The following ZFYVE28 variants were observed in gnomAD, a reference collection of about 807,000 sequenced individuals.
ZFYVE28 encodes the protein lateral signaling target protein 2 homolog.
A neutral mutation model predicts 82.1 loss-of-function variants in ZFYVE28; 40 were observed. That is an observed-to-expected ratio of 0.49 (90% CI 0.38 to 0.63). ZFYVE28 has a LOEUF of 0.63. ZFYVE28 is among the 30% of genes least tolerant of loss of function. The pLI is 0.00. For missense variants in ZFYVE28, 1,321 were observed against 1,242.1 expected (o/e 1.06, Z -0.96); for synonymous variants, 612 against 546.1 (o/e 1.12, Z -1.68).
chr4:2,325,463 C>CA (rs1393883231), intron 6 of ZFYVE28, among the ~76,000 whole-genome samples: 2 of 147,514 alleles, frequency 1.4e-5, no homozygotes, highest in Admixed American at 6.8e-5. Flanking sequence ...AAATCATTTA[C>CA]AAAAAACGAC....
intron 5 of ZFYVE28, 30 bp downstream of exon 5, chr4:2,337,377 C>T (rs1025999751): frequency 3.2e-6 from 5 of 1,562,450 alleles, no homozygotes; most frequent in Non-Finnish European, 4.3e-6. Context: ...CCAGATGCTG[C>T]CCCCAGCCCC....
chr4:2,313,825 G>A (rs1432283952), intron 7 of ZFYVE28, among the ~76,000 whole-genome samples: 4 of 150,372 alleles, frequency 2.7e-5, no homozygotes, highest in East Asian at 1.9e-4. Context: ...CTCCAGCCTG[G>A]GCGACAGAGT....
intron 1 of ZFYVE28, among the ~76,000 whole-genome samples, chr4:2,369,618 G>A (rs1727275049): frequency 6.6e-6 from 1 of 152,088 alleles, no homozygotes; most frequent in African/African-American, 2.4e-5. Context: ...AGTGACAGGT[G>A]GCCTTAGAGA....
intron 7 of ZFYVE28, among the ~76,000 whole-genome samples, chr4:2,312,675 C>T (rs1204632841): frequency 1.1e-4 from 14 of 133,282 alleles, no homozygotes; most frequent in African/African-American, 3.5e-4. Flanking sequence ...TTGCAGTGAG[C>T]GAGATCGCGC....
chr4:2,388,616 G>C (rs761210789), intron 1 of ZFYVE28, among the ~76,000 whole-genome samples: 19 of 152,142 alleles, frequency 1.2e-4, no homozygotes, highest in Non-Finnish European at 2.8e-4. Context: ...AGGAACATAG[G>C]AGAGCTTAGG....
chr4:2,355,531 C>A (rs1004779592), intron 1 of ZFYVE28, among the ~76,000 whole-genome samples: 1 of 151,546 alleles, frequency 6.6e-6, no homozygotes, highest in African/African-American at 2.4e-5. Context: ...CCACCCGCCT[C>A]AGCCTTCCAA....
At chr4:2,399,032 G>GGGTGAGATCCAGGGCACAAGCCTGGA (rs1730833616) in intron 1 of ZFYVE28, among the ~76,000 whole-genome samples, 1 of 50,346 alleles carries the variant, frequency 2.0e-5, no homozygotes, top group Admixed American at 2.9e-4. Flanking sequence ...GCACAAGGTG[G>GGGTGAGATCCAGGGCACAAGCCTGGA]GGTGAGATCC....
chr4:2,375,100 G>A (rs1372030643), intron 1 of ZFYVE28, among the ~76,000 whole-genome samples: 3 of 152,182 alleles, frequency 2.0e-5, no homozygotes, highest in East Asian at 1.9e-4. Flanking sequence ...TGAAAGTGCC[G>A]TGGCCTTTCC....
chr4:2,364,567 G>T, intron 1 of ZFYVE28: 2 of 985,560 alleles, frequency 2.0e-6, no homozygotes, highest in Non-Finnish European at 2.4e-6. Context: ...AATTTAGACG[G>T]TCGGCACTGG....
rs566422300 is a variant in ZFYVE28, at chr4:2,339,863, C to T, written c.319-208G>A. Among the ~76,000 whole-genome samples the T allele has an allele frequency of 6.1e-4, 87 of 142,642 alleles. No homozygotes were observed. Among genetic ancestry groups the T allele is most frequent in the African/African-American group, 2.1e-3 (83 of 39,592 alleles). The allele number at this position is 142,642 out of a possible 152,430, so 93.6% of individuals were successfully genotyped here. The stretch of plus-strand genomic sequence containing the variant: ...AACCGATGTCCCCCAATGTGACCCA[C>T]GGGGTCCTCACAGGGCCCCAGGAGC... On this transcript the variant is annotated intron_variant, in intron 3 of 12. Coordinates refer to ENST00000290974, the MANE Select transcript of ZFYVE28 (RefSeq NM_020972.3). The surrounding 1 kb of genome is among the most constrained non-coding windows in gnomAD (Gnocchi z 5.0).
At chr4:2,406,371 CA>C (rs11451238) in intron 1 of ZFYVE28, among the ~76,000 whole-genome samples, 2 of 150,286 alleles carry the variant, frequency 1.3e-5, no homozygotes, top group African/African-American at 4.9e-5. Context: ...GACTCTGTCT[CA>C]AAAAAAAACA....
intron 11 of ZFYVE28, 62 bp downstream of exon 11, chr4:2,271,613 G>A (rs1735916505): frequency 6.4e-7 from 1 of 1,557,210 alleles, no homozygotes; most frequent in Non-Finnish European, 8.8e-7. Flanking sequence ...GAAGGCTCCT[G>A]TGGCTCCCAC....
At chr4:2,283,970 C>G (rs1007193507) in intron 8 of ZFYVE28, among the ~76,000 whole-genome samples, 1 of 152,190 alleles carries the variant, frequency 6.6e-6, no homozygotes, top group Non-Finnish European at 1.5e-5. Flanking sequence ...GAGGGCTGGA[C>G]AGTTCGGACC....
chr4:2,303,633 G>C (rs775651568), intron 8 of ZFYVE28, among the ~76,000 whole-genome samples: 2 of 152,152 alleles, frequency 1.3e-5, no homozygotes, highest in Admixed American at 6.5e-5. Flanking sequence ...TCTCCAGAGT[G>C]GGGGATGGGA....
At chr4:2,293,418 CTAAT>C (rs1038367731) in intron 8 of ZFYVE28, among the ~76,000 whole-genome samples, 1 of 151,564 alleles carries the variant, frequency 6.6e-6, no homozygotes, top group African/African-American at 2.4e-5. Flanking sequence ...AAAACCATAA[CTAAT>C]AAAGTGAGTT....
chr4:2,305,745 G>A (rs1160646050), intron 7 of ZFYVE28, among the ~76,000 whole-genome samples: 1 of 152,232 alleles, frequency 6.6e-6, no homozygotes, highest in Non-Finnish European at 1.5e-5. Context: ...GGTGTTCAAG[G>A]TGGCCGGCTG....
At chr4:2,317,157 T>G (rs1047031163) in intron 7 of ZFYVE28, among the ~76,000 whole-genome samples, 1 of 151,776 alleles carries the variant, frequency 6.6e-6, no homozygotes, top group Non-Finnish European at 1.5e-5. Flanking sequence ...TCTGGCTAAT[T>G]TTTGTATTCT....
In ZFYVE28 at chr4:2,356,225, G is replaced by A. The variant is rs561575462; in HGVS notation, c.40-2152C>T. 7.9e-5 allele frequency among the ~76,000 whole-genome samples: 12 copies of A among 152,260 alleles called. No homozygotes were observed. The East Asian group carries it at 1.4e-3, about 17-fold the overall frequency. ...GCCCCCCTGCCTGGGCTCCAGCGAC[G>A]GCTGCATGCACCTGAGACCTGGGCA... On this transcript the variant is annotated intron_variant, in intron 1 of 12. Transcript: ENST00000290974.
intron 1 of ZFYVE28, among the ~76,000 whole-genome samples, chr4:2,412,397 TC>T (rs1313563205): frequency 6.6e-6 from 1 of 152,082 alleles, no homozygotes; most frequent in Non-Finnish European, 1.5e-5. Flanking sequence ...TTACTGTGAG[TC>T]TTGGACAGAG....
Sources: allele counts gnomAD v4.1 joint callset (sites outside exome capture counted in the v4.1 genomes callset), GRCh38; gene constraint gnomAD v4.1.1; non-coding constraint Gnocchi (gnomAD v3.1); transcripts MANE v1.5; gene names NCBI Gene and HGNC (gene_info 2026-07-23, HGNC 2026-07-21).